The following BRINP3 variants were observed in gnomAD, a reference collection of about 807,000 sequenced individuals.
BRINP3 encodes BMP/retinoic acid inducible neural specific 3.
Under a neutral mutation model 71.0 loss-of-function variants are expected in BRINP3, and 19 were observed. The ratio of observed to expected loss-of-function variants is 0.27; its 90% CI spans 0.19 to 0.39. BRINP3 has a LOEUF of 0.39. Among genes scored for constraint, BRINP3 ranks in the 10% least tolerant of loss-of-function variants. The pLI, the probability that BRINP3 is intolerant of heterozygous loss-of-function variation, is 1.00. For synonymous variants in BRINP3, 380 were observed against 337.7 expected, an observed-to-expected ratio of 1.13 and a Z score of -1.37; for missense variants, 959 against 940.8, an observed-to-expected ratio of 1.02 and a Z score of -0.25.
chr1:190,148,783 T>C (rs1325741873), intron 7 of BRINP3, among the ~76,000 whole-genome samples: 1 of 152,148 alleles, frequency 6.6e-6, no homozygotes, highest in African/African-American at 2.4e-5. Context: ...TTCTAAACTT[T>C]TTCTTGTTTT....
chr1:190,152,449 A>T (rs1192857039), intron 7 of BRINP3, among the ~76,000 whole-genome samples: 1 of 151,802 alleles, frequency 6.6e-6, no homozygotes, highest in African/African-American at 2.4e-5. Flanking sequence ...TTCTCTATAA[A>T]TATAATGAGA....
At chr1:190,208,392 A>G (rs1367734819) in intron 6 of BRINP3, among the ~76,000 whole-genome samples, 1 of 152,154 alleles carries the variant, frequency 6.6e-6, no homozygotes, top group African/African-American at 2.4e-5. Context: ...TAAGAGATAT[A>G]AAAAGCAGGT....
intron 2 of BRINP3, among the ~76,000 whole-genome samples, chr1:190,420,776 G>A (rs1673323814): frequency 6.6e-6 from 1 of 151,824 alleles, no homozygotes; most frequent in Non-Finnish European, 1.5e-5. Flanking sequence ...GGTATCATCA[G>A]CTATCTCATT....
intron 6 of BRINP3, among the ~76,000 whole-genome samples, chr1:190,201,596 C>A (rs1231041136): frequency 1.3e-5 from 2 of 152,158 alleles, no homozygotes; most frequent in Non-Finnish European, 2.9e-5. Flanking sequence ...ATTGCAGTCC[C>A]AGAAACCTAG....
At chr1:190,436,104 C>T (rs1674436824) in intron 2 of BRINP3, among the ~76,000 whole-genome samples, 1 of 151,764 alleles carries the variant, frequency 6.6e-6, no homozygotes, top group Admixed American at 6.6e-5. Flanking sequence ...ATACTGGTTC[C>T]ACATCAATGA....
At chr1:190,454,598 T>C (rs1041343058) in intron 2 of BRINP3, 57 bp downstream of exon 2, 13 of 1,427,320 alleles carry the variant, frequency 9.1e-6, no homozygotes, top group East Asian at 4.7e-5. Flanking sequence ...GAGAAACTTA[T>C]GTATACACAA....
At chr1:190,265,418 A>G (rs1249512629) in intron 3 of BRINP3, among the ~76,000 whole-genome samples, 3 of 151,838 alleles carry the variant, frequency 2.0e-5, no homozygotes, top group African/African-American at 4.8e-5. Context: ...TATTTTACTC[A>G]GGGCCGGGCA....
chr1:190,138,407 G>A (rs1389611493), intron 7 of BRINP3, among the ~76,000 whole-genome samples: 1 of 152,124 alleles, frequency 6.6e-6, no homozygotes. Flanking sequence ...ACAAATCCTT[G>A]TATTATTCAG....
Position 190,256,920 on chromosome 1 carries a change from T to G in BRINP3, c.618+7945A>C, listed in dbSNP as rs2102841546. ...CCTTTCTCTCTGGCTGCCCTTATTA[T>G]TTTTCCCTTCATTTCAACCTTGGTG... is the stretch of plus-strand genomic sequence containing the variant. On this transcript the variant is annotated intron_variant, in intron 4 of 7. Coordinates refer to ENST00000367462, the MANE Select transcript of BRINP3 (RefSeq NM_199051.3). Among the ~76,000 whole-genome samples the G allele has an allele frequency of 1.3e-5, 2 of 152,274 alleles. 1 individual carries two copies. The highest frequency in any genetic ancestry group is 4.8e-5 in the African/African-American group (2 of 41,552).
At chr1:190,440,948 G>A (rs999243124) in intron 2 of BRINP3, among the ~76,000 whole-genome samples, 2 of 151,764 alleles carry the variant, frequency 1.3e-5, no homozygotes, top group Non-Finnish European at 2.9e-5. Context: ...AAGAAAAGGA[G>A]GGTCCTAGAT....
chr1:190,273,510 G>T (rs1412550098), intron 3 of BRINP3, among the ~76,000 whole-genome samples: 2 of 151,500 alleles, frequency 1.3e-5, no homozygotes, highest in Admixed American at 6.6e-5. Context: ...GTGGTTTATG[G>T]TCATTAAAAG....
At chr1:190,151,508 T>C (rs1297678639) in intron 7 of BRINP3, among the ~76,000 whole-genome samples, 1 of 152,150 alleles carries the variant, frequency 6.6e-6, no homozygotes, top group African/African-American at 2.4e-5. Context: ...CATGTATCAA[T>C]ATCAAAAGAA....
At chr1:190,381,314 G>A (rs1268492158) in intron 2 of BRINP3, among the ~76,000 whole-genome samples, 1 of 151,038 alleles carries the variant, frequency 6.6e-6, no homozygotes, top group Non-Finnish European at 1.5e-5. Context: ...AAACACCGAC[G>A]ATCTGTGCAA....
At chr1:190,199,513 G>A (rs1346522077) in intron 6 of BRINP3, among the ~76,000 whole-genome samples, 1 of 151,976 alleles carries the variant, frequency 6.6e-6, no homozygotes, top group Admixed American at 6.6e-5. Context: ...TTAGTATTAT[G>A]CAGATACCCA....
intron 7 of BRINP3, among the ~76,000 whole-genome samples, chr1:190,109,178 T>A (rs1652454616): frequency 6.6e-6 from 1 of 152,190 alleles, no homozygotes; most frequent in South Asian, 2.1e-4. Context: ...TTAAAATGAT[T>A]CTTTGGAGGA....
Position 190,108,155 on chromosome 1 carries a change from C to T in BRINP3, c.1185-9021G>A, listed in dbSNP as rs555729675. Among the ~76,000 whole-genome samples, 11 of 152,104 alleles carry T rather than the reference C, an allele frequency of 7.2e-5. 1 individual carries two copies. Among genetic ancestry groups the T allele is most frequent in the East Asian group, 1.9e-4 (1 of 5,158 alleles). ...GGAATCCTTGATAGGTGAACTTCATCGATCAAAAATGTCACCCAAGTCACA... is the reference window on the plus strand; with the variant it reads ...GGAATCCTTGATAGGTGAACTTCATTGATCAAAAATGTCACCCAAGTCACA... On this transcript the variant is annotated intron_variant, in intron 7 of 7. Transcript: ENST00000367462.
intron 6 of BRINP3, among the ~76,000 whole-genome samples, chr1:190,168,224 TATA>T (rs1461198576): frequency 3.6e-5 from 4 of 112,036 alleles, no homozygotes; most frequent in South Asian, 3.7e-4. Context: ...TATATATATA[TATA>T]AAAAGCAAGA....
At chr1:190,389,806 A>T (rs1220021088) in intron 2 of BRINP3, among the ~76,000 whole-genome samples, 5 of 151,852 alleles carry the variant, frequency 3.3e-5, no homozygotes, top group Admixed American at 2.0e-4. Flanking sequence ...TCCTTGTAAG[A>T]ACAGGATAAA....
At chr1:190,276,370 C>G (rs1310317326) in intron 3 of BRINP3, among the ~76,000 whole-genome samples, 1 of 151,600 alleles carries the variant, frequency 6.6e-6, no homozygotes, top group Non-Finnish European at 1.5e-5. Flanking sequence ...TAATTAAAAA[C>G]TGTCTGAATA....
Sources: gnomAD v4.1 joint callset for allele counts (sites outside exome capture counted in the v4.1 genomes callset) on GRCh38, gnomAD v4.1.1 for gene constraint, MANE v1.5 for transcripts, NCBI Gene and HGNC (gene_info 2026-07-23, HGNC 2026-07-21) for gene names.